ASXL2: variants seen among roughly 807,000 people sequenced by gnomAD.
ASXL2 encodes the protein putative Polycomb group protein ASXL2.
A neutral mutation model predicts 122.0 loss-of-function variants in ASXL2; 23 were observed. The observed-to-expected ratio is 0.19, with a 90% CI of 0.14 to 0.27. The LOEUF (loss-of-function observed/expected upper bound fraction) is 0.27. Among genes scored for constraint, ASXL2 ranks in the 10% least tolerant of loss-of-function variants. The pLI, the probability that ASXL2 is intolerant of heterozygous loss-of-function variation, is 1.00. For missense variants in ASXL2, 1,518 were observed against 1,713.8 expected (o/e 0.89, Z 2.02); for synonymous variants, 650 against 637.0 (o/e 1.02, Z -0.31).
At chr2:25,871,311 C>T (rs1391686940) in intron 1 of ASXL2, among the ~76,000 whole-genome samples, 1 of 152,176 alleles carries the variant, frequency 6.6e-6, no homozygotes, top group Non-Finnish European at 1.5e-5. Context: ...AAATGTCCCA[C>T]AGCAAAATTG....
chr2:25,828,523 A>AAG (rs1553703328), intron 3 of ASXL2, among the ~76,000 whole-genome samples: 15 of 148,922 alleles, frequency 1.0e-4, no homozygotes, highest in Non-Finnish European at 1.8e-4. Context: ...AAAAAAAATA[A>AAG]AAAGAAAAGA....
At chr2:25,827,506 A>G (rs1295253756) in intron 3 of ASXL2, among the ~76,000 whole-genome samples, 1 of 152,202 alleles carries the variant, frequency 6.6e-6, no homozygotes, top group African/African-American at 2.4e-5. Flanking sequence ...CCTTCCCTTG[A>G]TCACATTACC....
chr2:25,849,543 C>G (rs1215134399), intron 1 of ASXL2, among the ~76,000 whole-genome samples: 1 of 151,254 alleles, frequency 6.6e-6, no homozygotes, highest in Non-Finnish European at 1.5e-5. Flanking sequence ...GGTGCAATCA[C>G]AGCTCACTGC....
At chr2:25,821,192 T>C (rs1165762267) in intron 3 of ASXL2, among the ~76,000 whole-genome samples, 1 of 150,796 alleles carries the variant, frequency 6.6e-6, no homozygotes, top group African/African-American at 2.4e-5. Context: ...AAAGAAAAAA[T>C]CAAAAAAATA....
intron 3 of ASXL2, among the ~76,000 whole-genome samples, chr2:25,820,941 C>T (rs1365114632): frequency 6.6e-6 from 1 of 151,958 alleles, no homozygotes; most frequent in African/African-American, 2.4e-5. Flanking sequence ...CCTAGGCGGG[C>T]GGATCACCTG....
intron 5 of ASXL2, among the ~76,000 whole-genome samples, chr2:25,773,946 C>G (rs1414286321): frequency 6.6e-6 from 1 of 151,980 alleles, no homozygotes; most frequent in East Asian, 1.9e-4. Flanking sequence ...AGGAGAATCA[C>G]TTGAACCTGG....
At chr2:25,849,474 G>GT (rs1408539954) in intron 1 of ASXL2, among the ~76,000 whole-genome samples, 1 of 112,818 alleles carries the variant, frequency 8.9e-6, no homozygotes, top group Non-Finnish European at 1.9e-5. Flanking sequence ...AAAAAAAAAA[G>GT]TTTTTTGTTG....
intron 8 of ASXL2, among the ~76,000 whole-genome samples, chr2:25,762,782 T>C (rs1430865369): frequency 1.5e-5 from 2 of 134,188 alleles, no homozygotes; most frequent in Non-Finnish European, 3.2e-5. Context: ...TGTAAATAAA[T>C]AAAACTCATC....
intron 8 of ASXL2, among the ~76,000 whole-genome samples, chr2:25,763,341 T>G (rs1312906798): frequency 6.6e-6 from 1 of 151,912 alleles, no homozygotes; most frequent in Admixed American, 6.6e-5. Flanking sequence ...AATACAAAAA[T>G]TAGCCAGGAG....
At position 25,784,617 on chromosome 2, in the gene ASXL2, T is replaced by A. The variant is rs868506095; in HGVS notation, c.404-13077A>T. ...TCCTTCTGTGAGATAAGCTATTCCG[T>A]CCCTTTCTCTTAGTTTCTGGTAACA... On this transcript the variant is annotated intron_variant, in intron 5 of 12. Coordinates refer to ENST00000435504, the MANE Select transcript of ASXL2 (RefSeq NM_018263.6). 7.9e-5 allele frequency among the ~76,000 whole-genome samples: 12 copies of A among 152,334 alleles called. No individual in the cohort carries two copies. The Middle Eastern group carries it at 0.01, about 130-fold the overall frequency.
chr2:25,745,866 G>A (rs529356558), intron 12 of ASXL2, among the ~76,000 whole-genome samples: 25 of 151,526 alleles, frequency 1.6e-4, no homozygotes, highest in African/African-American at 5.8e-4. Context: ...GGATGGTCTC[G>A]AACTCCTGAC....
intron 3 of ASXL2, among the ~76,000 whole-genome samples, chr2:25,813,539 T>C (rs1011159426): frequency 4.4e-4 from 67 of 152,320 alleles, no homozygotes; most frequent in African/African-American, 1.6e-3. Context: ...TGAGGAAACT[T>C]AGTTTTTCAA....
intron 5 of ASXL2, among the ~76,000 whole-genome samples, chr2:25,779,084 A>ATTTTTTTTTTTTTTTTTTTTTTTTTTTTT (rs33911748): frequency 2.0e-5 from 2 of 99,412 alleles, no homozygotes; most frequent in African/African-American, 3.9e-5. Context: ...CTTTTTTCTG[A>ATTTTTTTTTTTTTTTTTTTTTTTTTTTTT]TTTTTTTTTT....
chr2:25,807,312 A>G (rs1410737275), intron 3 of ASXL2, among the ~76,000 whole-genome samples: 1 of 152,214 alleles, frequency 6.6e-6, no homozygotes, highest in Non-Finnish European at 1.5e-5. Flanking sequence ...TTCTTAGTCT[A>G]TCTAAGGAGT....
chr2:25,765,114 A>G (rs980367144), intron 8 of ASXL2, among the ~76,000 whole-genome samples: 11 of 152,216 alleles, frequency 7.2e-5, no homozygotes, highest in African/African-American at 2.4e-4. Flanking sequence ...AATGTCAGCT[A>G]GAAAGTATTT....
intron 3 of ASXL2, among the ~76,000 whole-genome samples, chr2:25,816,556 A>C (rs541963197): frequency 6.6e-6 from 1 of 152,348 alleles, no homozygotes; most frequent in East Asian, 1.9e-4. Context: ...GAAGGAGAGA[A>C]CAATCCACAG....
At chr2:25,834,265 A>G (rs2089484053) in intron 3 of ASXL2, among the ~76,000 whole-genome samples, 1 of 152,000 alleles carries the variant, frequency 6.6e-6, no homozygotes. Flanking sequence ...AAACAGAAGA[A>G]TCACTTGAAC....
In ASXL2 at chr2:25,749,821, C is replaced by G. The variant is rs1399821885; in HGVS notation, c.1735G>C (p.Val579Leu). Residue 579 changes from valine (V) to leucine (L), a missense_variant, in exon 12 of 13, where the codon GTG becomes CTG. This residue lies in a region of ASXL2 where 292 missense variants were observed against 293.5 expected (regional missense o/e 1.00). Transcript: ENST00000435504. Reference protein sequence around the residue: ...KSSLTQEEAPVSWEKRPRVTE... With the variant: ...KSSLTQEEAPLSWEKRPRVTE... Reference sequence around the variant, plus strand: ...ACACGTGGCCTCTTCTCCCAGCTCACAGGGGCCTCTTCTTGGGTGAGGGAA... The same window carrying G: ...ACACGTGGCCTCTTCTCCCAGCTCAGAGGGGCCTCTTCTTGGGTGAGGGAA... 6.2e-7 allele frequency: 1 copy of G among 1,610,608 alleles called. No homozygotes were observed. The highest frequency in any genetic ancestry group is 1.3e-5 in the African/African-American group (1 of 74,600).
intron 1 of ASXL2, among the ~76,000 whole-genome samples, chr2:25,852,850 AG>A (rs1409033519): frequency 6.6e-6 from 1 of 152,232 alleles, no homozygotes; most frequent in Non-Finnish European, 1.5e-5. Flanking sequence ...TTGTCAACAA[AG>A]GGATGTTTAA....
Sources: allele counts gnomAD v4.1 joint callset (sites outside exome capture counted in the v4.1 genomes callset), GRCh38; gene constraint gnomAD v4.1.1; regional missense constraint gnomAD v4.1.1; transcripts MANE v1.5; gene names NCBI Gene and HGNC (gene_info 2026-07-23, HGNC 2026-07-21).